Variants in KCNQ1 observed in about 807,000 individuals in gnomAD.
KCNQ1 encodes the protein potassium voltage-gated channel subfamily KQT member 1.
In KCNQ1, 49 loss-of-function variants were observed where a neutral mutation model predicts 72.4. That is an observed-to-expected ratio of 0.68 (90% CI 0.54 to 0.86). The LOEUF (loss-of-function observed/expected upper bound fraction) is 0.86, where lower values mean the gene tolerates loss of function less well. Ranked by LOEUF, KCNQ1 falls within the 40% of genes least tolerant of loss-of-function variation. The pLI is 0.00. For synonymous variants in KCNQ1, 450 were observed against 412.6 expected (o/e 1.09, Z -1.10); for missense variants, 790 against 945.1 (o/e 0.84, Z 2.15).
Position 2,537,891 on chromosome 11 carries a change from T to C in KCNQ1, c.477+9873T>C, listed in dbSNP as rs926675684. ...CCACCATGCCCCGCTAATTTTTGTA[T>C]TTTTTGTAGAGATAGGGTTTTGCCA... is the stretch of plus-strand genomic sequence containing the variant. On this transcript the variant is annotated intron_variant, in intron 2 of 15. Coordinates refer to ENST00000155840, the MANE Select transcript of KCNQ1 (RefSeq NM_000218.3). This position sits in a 1 kb window ranked among gnomAD's most constrained non-coding sequence, Gnocchi z 5.2. Among the ~76,000 whole-genome samples, 2 of 152,120 alleles carry C rather than the reference T, an allele frequency of 1.3e-5. No individual in the cohort carries two copies. The highest frequency in any genetic ancestry group is 4.8e-5 in the African/African-American group (2 of 41,418).
Position 2,653,054 on chromosome 11 carries a change from A to G in KCNQ1, c.1394-8907A>G, listed in dbSNP as rs1323094528. ...TCCAATGTGAGATCCAACATGTTCC[A>G]TAATTTGCATCAAACATCCTCATAC... is the stretch of plus-strand genomic sequence containing the variant. On this transcript the variant is annotated intron_variant, in intron 10 of 15. Transcript: ENST00000155840. The surrounding 1 kb of genome is among the most constrained non-coding windows in gnomAD (Gnocchi z 5.3). 2.5e-6 allele frequency: 1 copy of G among 398,552 alleles called. No individual in the cohort carries two copies. The highest frequency in any genetic ancestry group is 3.6e-5 in the East Asian group (1 of 28,080). 24.7% of individuals were successfully genotyped at this position (398,552 alleles called of 1,614,324 possible).
At chr11:2,480,971 G>A (rs1423510197) in intron 1 of KCNQ1, among the ~76,000 whole-genome samples, 1 of 152,164 alleles carries the variant, frequency 6.6e-6, no homozygotes, top group Middle Eastern at 3.2e-3. Flanking sequence ...TCTAAGCAGA[G>A]CACGTTTGGG....
chr11:2,803,668 G>A lies in KCNQ1; in HGVS notation c.1794+25631G>A, dbSNP rs905911065. ...GCCCCAGCCTGCCCACCCCCAGCCT[G>A]TCCCCCAAATGCCCAGGGCTGTGGC... On this transcript the variant is annotated intron_variant, in intron 15 of 15. Coordinates refer to ENST00000155840, the MANE Select transcript of KCNQ1 (RefSeq NM_000218.3). This position sits in a 1 kb window ranked among gnomAD's most constrained non-coding sequence, Gnocchi z 6.4. Among the ~76,000 whole-genome samples, 1 of 152,022 alleles carries A rather than the reference G, an allele frequency of 6.6e-6. No homozygotes were observed. Among genetic ancestry groups the A allele is most frequent in the African/African-American group, 2.4e-5 (1 of 41,380 alleles).
At position 2,566,072 on chromosome 11, in the gene KCNQ1, C is replaced by T. The variant is rs1437818689; in HGVS notation, c.478-4556C>T. 6.6e-6 allele frequency among the ~76,000 whole-genome samples: 1 copy of T among 152,166 alleles called. No individual in the cohort carries two copies. Among genetic ancestry groups the T allele is most frequent in the Non-Finnish European group, 1.5e-5 (1 of 68,026 alleles). On this transcript the variant is annotated intron_variant, in intron 2 of 15. Coordinates refer to ENST00000155840, the MANE Select transcript of KCNQ1 (RefSeq NM_000218.3). The surrounding 1 kb of genome is among the most constrained non-coding windows in gnomAD (Gnocchi z 6.7). ...TGAGGCCCAGGCCTGTCTTCCCCAC[C>T]TCACCCCACAGGGCTGAGACACCTC... is the stretch of plus-strand genomic sequence containing the variant.
chr11:2,732,669 A>G (rs1845875637), intron 11 of KCNQ1, among the ~76,000 whole-genome samples: 1 of 152,180 alleles, frequency 6.6e-6, no homozygotes, highest in Admixed American at 6.5e-5. Flanking sequence ...AGCAGGAACA[A>G]TCGCCCCAGT....
In KCNQ1 at chr11:2,683,637, G is replaced by A. The variant is rs544121260; in HGVS notation, c.1514+21556G>A. 4 of 398,504 alleles carry A rather than the reference G, an allele frequency of 1.0e-5. No homozygotes were observed. Among genetic ancestry groups the A allele is most frequent in the Non-Finnish European group, 1.8e-5 (4 of 226,080 alleles). The allele number at this position is 398,504 out of a possible 1,614,324, so 24.7% of individuals were successfully genotyped here. The stretch of plus-strand genomic sequence containing the variant: ...CTCTAGACAACTGGGCCCTGCATCT[G>A]CTGCAAGGAACATCCCTTACTTTCC... On this transcript the variant is annotated intron_variant, in intron 11 of 15. Coordinates refer to ENST00000155840, the MANE Select transcript of KCNQ1 (RefSeq NM_000218.3). The surrounding 1 kb of genome is among the most constrained non-coding windows in gnomAD (Gnocchi z 4.7).
At position 2,698,172 on chromosome 11, in the gene KCNQ1, G is replaced by T. The variant is rs1315459106; in HGVS notation, c.1514+36091G>T. Reference sequence around the variant, plus strand: ...CAGAGTTCCTCGTTGGGAGCTTTTGGTCTAGCAAAAGGGGCACCACAGTAA... The same window carrying T: ...CAGAGTTCCTCGTTGGGAGCTTTTGTTCTAGCAAAAGGGGCACCACAGTAA... On this transcript the variant is annotated intron_variant, in intron 11 of 15. Transcript: ENST00000155840. This position sits in a 1 kb window ranked among gnomAD's most constrained non-coding sequence, Gnocchi z 5.1. 1 of 398,512 alleles carries T rather than the reference G, an allele frequency of 2.5e-6. No homozygotes were observed. The highest frequency in any genetic ancestry group is 2.1e-5 in the African/African-American group (1 of 48,624). The allele number at this position is 398,512 out of a possible 1,614,324, so 24.7% of individuals were successfully genotyped here.
chr11:2,849,093 T>C lies in KCNQ1; in HGVS notation c.*1090T>C. On this transcript the variant is annotated 3_prime_UTR_variant, in exon 16 of 16. Transcript: ENST00000155840. The stretch of plus-strand genomic sequence containing the variant: ...CCCCTGGAAGCAGTGCCCAGGTGGC[T>C]GTGGAATAGGAACGCTATGTCCGTG... 2.2e-6 allele frequency: 1 copy of C among 453,398 alleles called. No homozygotes were observed. 28.1% of individuals were successfully genotyped at this position (453,398 alleles called of 1,614,324 possible).
At chr11:2,534,265 C>T (rs1005874246) in intron 2 of KCNQ1, among the ~76,000 whole-genome samples, 1 of 152,246 alleles carries the variant, frequency 6.6e-6, no homozygotes, top group African/African-American at 2.4e-5. Context: ...CGCCCGCAGG[C>T]CCGCAGGTCC....
chr11:2,628,681 T>G (rs1849300817), intron 10 of KCNQ1: 2 of 398,458 alleles, frequency 5.0e-6, no homozygotes, highest in Non-Finnish European at 8.9e-6. Context: ...TCCTTGTGCT[T>G]TTGATGTCAC....
chr11:2,528,738 C>G (rs1445169541), intron 2 of KCNQ1, among the ~76,000 whole-genome samples: 2 of 152,212 alleles, frequency 1.3e-5, no homozygotes, highest in African/African-American at 2.4e-5. Flanking sequence ...TGGAATAGTT[C>G]TAGTATCTAC....
chr11:2,742,879 C>T (rs569525780), intron 11 of KCNQ1, among the ~76,000 whole-genome samples: 21 of 152,274 alleles, frequency 1.4e-4, no homozygotes, highest in Middle Eastern at 6.8e-3. Flanking sequence ...TCCAGTGCTC[C>T]GAGCCCCCAC....
intron 2 of KCNQ1, among the ~76,000 whole-genome samples, chr11:2,551,061 C>A (rs545119692): frequency 6.6e-6 from 1 of 152,300 alleles, no homozygotes; most frequent in Non-Finnish European, 1.5e-5. Flanking sequence ...TTGACTGACT[C>A]ATGCATTTCT....
intron 11 of KCNQ1, among the ~76,000 whole-genome samples, chr11:2,740,791 A>C (rs1465928954): frequency 2.0e-5 from 3 of 152,116 alleles, no homozygotes; most frequent in Non-Finnish European, 4.4e-5. Context: ...TGGCATCCTC[A>C]CATCACAGAC....
chr11:2,713,871 C>G lies in KCNQ1; in HGVS notation c.1514+51790C>G, dbSNP rs116579288. Among the ~76,000 whole-genome samples the G allele has an allele frequency of 6.6e-6, 1 of 152,250 alleles. No homozygotes were observed. Among genetic ancestry groups the G allele is most frequent in the Non-Finnish European group, 1.5e-5 (1 of 68,038 alleles). ...TATTGCTTCCAGATGGGCAAACGCG[C>G]GCTCGGAGCCTGGCCCTGCAGACAC... On this transcript the variant is annotated intron_variant, in intron 11 of 15. Transcript: ENST00000155840. This position sits in a 1 kb window ranked among gnomAD's most constrained non-coding sequence, Gnocchi z 5.6.
chr11:2,561,051 A>T (rs7941421), intron 2 of KCNQ1, among the ~76,000 whole-genome samples: 2 of 150,830 alleles, frequency 1.3e-5, no homozygotes, highest in African/African-American at 4.9e-5. Flanking sequence ...AAATACAAAA[A>T]ATTAGCCGGG....
Position 2,700,070 on chromosome 11 carries a change from G to A in KCNQ1, c.1514+37989G>A, listed in dbSNP as rs1041548998. On this transcript the variant is annotated intron_variant, in intron 11 of 15. Transcript: ENST00000155840. ...CGACCGCCCCCCACCTGCTGATTGG[G>A]CGGCAGCAGGGGAAGGCTTGCGGCG... is the stretch of plus-strand genomic sequence containing the variant. The A allele has an allele frequency of 7.5e-6, 3 of 397,954 alleles. No homozygotes were observed. The East Asian group carries it at 1.1e-4, about 14-fold the overall frequency. The allele number at this position is 397,954 out of a possible 1,614,324, so 24.7% of individuals were successfully genotyped here. A position where few individuals can be genotyped will look rare whatever the true frequency, so the allele number is the denominator to read the frequency against.
At chr11:2,774,238 C>A (rs927414401) in intron 12 of KCNQ1, among the ~76,000 whole-genome samples, 1 of 152,246 alleles carries the variant, frequency 6.6e-6, no homozygotes, top group Non-Finnish European at 1.5e-5. Context: ...CTAGCCTGTA[C>A]ATAAGTACGG....
chr11:2,841,904 T>C (rs1332606685), intron 15 of KCNQ1, among the ~76,000 whole-genome samples: 2 of 152,078 alleles, frequency 1.3e-5, no homozygotes, highest in East Asian at 3.9e-4. Flanking sequence ...GCAACCCCGC[T>C]CCTGGGGGGT....
Sources: gnomAD v4.1 joint callset for allele counts (sites outside exome capture counted in the v4.1 genomes callset) on GRCh38, gnomAD v4.1.1 for gene constraint, Gnocchi (gnomAD v3.1) non-coding constraint, MANE v1.5 for transcripts, NCBI Gene and HGNC (gene_info 2026-07-23, HGNC 2026-07-21) for gene names.